Variants in RBFOX1 observed in about 807,000 individuals in gnomAD.
The protein encoded by RBFOX1 is RNA binding fox-1 homolog 1, also known as RNA binding protein fox-1 homolog 1.
RBFOX1 carries 8 observed loss-of-function variants against 57.7 expected under a neutral mutation model. The observed-to-expected ratio is 0.14, with a 90% CI of 0.08 to 0.25. The LOEUF is 0.25. RBFOX1 is among the 10% of genes least tolerant of loss of function. RBFOX1 has a pLI of 1.00. For missense variants in RBFOX1, 611 were observed against 548.5 expected (o/e 1.11, Z -1.14); for synonymous variants, 326 against 222.4 (o/e 1.47, Z -4.15).
intron 4 of RBFOX1, among the ~76,000 whole-genome samples, chr16:5,886,088 T>C (rs1461996394): frequency 1.3e-5 from 2 of 152,214 alleles, no homozygotes; most frequent in African/African-American, 4.8e-5. Context: ...TCCTCCCCTT[T>C]AGCCTTCTGC....
intron 1 of RBFOX1, among the ~76,000 whole-genome samples, chr16:6,245,587 C>T (rs978687112): frequency 6.6e-6 from 1 of 152,182 alleles, no homozygotes; most frequent in Non-Finnish European, 1.5e-5. Context: ...TTGCCCTCTA[C>T]ACACTAATAA....
intron 4 of RBFOX1, among the ~76,000 whole-genome samples, chr16:7,336,916 C>G (rs907694751): frequency 2.0e-5 from 3 of 152,076 alleles, no homozygotes; most frequent in African/African-American, 4.8e-5. Context: ...TGTAAATATT[C>G]ATGTATTTTG....
At chr16:7,265,244 G>C (rs567931722) in intron 4 of RBFOX1, among the ~76,000 whole-genome samples, 1 of 151,942 alleles carries the variant, frequency 6.6e-6, no homozygotes, top group Non-Finnish European at 1.5e-5. Context: ...CTGGATACTG[G>C]AAGTGAGATC....
intron 1 of RBFOX1, among the ~76,000 whole-genome samples, chr16:5,395,331 A>G (rs2066520131): frequency 6.6e-6 from 1 of 152,236 alleles, no homozygotes. Context: ...ATTCTTGCCA[A>G]CTTGGATCGG....
chr16:6,640,457 A>C (rs906643177), intron 2 of RBFOX1, among the ~76,000 whole-genome samples: 2 of 151,990 alleles, frequency 1.3e-5, no homozygotes, highest in Admixed American at 6.6e-5. Context: ...AAAAATGCAG[A>C]AATTAGCCAG....
chr16:6,723,501 A>T (rs956658422), intron 3 of RBFOX1, among the ~76,000 whole-genome samples: 1 of 152,224 alleles, frequency 6.6e-6, no homozygotes, highest in Non-Finnish European at 1.5e-5. Flanking sequence ...AAATAATACA[A>T]TTATAGATTG....
chr16:7,126,050 T>G (rs1245234296), intron 4 of RBFOX1, among the ~76,000 whole-genome samples: 1 of 152,138 alleles, frequency 6.6e-6, no homozygotes, highest in Non-Finnish European at 1.5e-5. Context: ...ACCATTGCAC[T>G]GCAGCATGGG....
chr16:7,255,163 A>T (rs558480656), intron 4 of RBFOX1, among the ~76,000 whole-genome samples: 148 of 152,306 alleles, frequency 9.7e-4, no homozygotes, highest in African/African-American at 3.5e-3. Flanking sequence ...ATAGAAAGAT[A>T]GTTTCTATTT....
intron 14 of RBFOX1, among the ~76,000 whole-genome samples, chr16:7,698,039 G>C (rs2079349653): frequency 6.6e-6 from 1 of 152,128 alleles, no homozygotes; most frequent in Non-Finnish European, 1.5e-5. Context: ...GGAAGAGAGG[G>C]TTAAACAGGC....
chr16:7,365,367 C>A (rs975208661), intron 4 of RBFOX1, among the ~76,000 whole-genome samples: 72 of 152,126 alleles, frequency 4.7e-4, no homozygotes, highest in Non-Finnish European at 5.9e-5. Flanking sequence ...TTTATAGTCT[C>A]AGTCCATCCA....
chr16:6,869,919 C>G (rs1045585838), intron 3 of RBFOX1, among the ~76,000 whole-genome samples: 2 of 152,150 alleles, frequency 1.3e-5, no homozygotes, highest in African/African-American at 2.4e-5. Flanking sequence ...CCATAAATTA[C>G]TTATATCATC....
chr16:7,608,589 G>C (rs1310312086), intron 10 of RBFOX1, among the ~76,000 whole-genome samples: 2 of 152,132 alleles, frequency 1.3e-5, no homozygotes, highest in Admixed American at 6.5e-5. Flanking sequence ...CACCTCTGCT[G>C]AGTAAGGAAC....
chr16:6,022,384 G>C (rs1165059076), intron 1 of RBFOX1, among the ~76,000 whole-genome samples: 1 of 152,036 alleles, frequency 6.6e-6, no homozygotes, highest in Non-Finnish European at 1.5e-5. Context: ...AGTATGTTTA[G>C]ATATAAAATT....
chr16:6,298,492 TAATC>T (rs1254127362), intron 1 of RBFOX1, among the ~76,000 whole-genome samples: 1 of 152,214 alleles, frequency 6.6e-6, no homozygotes, highest in Non-Finnish European at 1.5e-5. Context: ...GTTTTCACAA[TAATC>T]AGAGAGTGAC....
At chr16:7,211,972 C>T (rs1194955616) in intron 4 of RBFOX1, among the ~76,000 whole-genome samples, 4 of 152,168 alleles carry the variant, frequency 2.6e-5, no homozygotes, top group African/African-American at 9.7e-5. Context: ...CTACCCACCC[C>T]TTCTCACTCC....
At chr16:6,644,564 C>G (rs938869586) in intron 2 of RBFOX1, among the ~76,000 whole-genome samples, 2 of 152,200 alleles carry the variant, frequency 1.3e-5, no homozygotes, top group African/African-American at 4.8e-5. Context: ...ATGAAAAGCT[C>G]TCTGGGACTT....
At chr16:5,289,935 G>A (rs1220744078) in intron 1 of RBFOX1, among the ~76,000 whole-genome samples, 1 of 152,234 alleles carries the variant, frequency 6.6e-6, no homozygotes, top group Non-Finnish European at 1.5e-5. Context: ...GCTCATAGCA[G>A]CGTTATTCAT....
intron 3 of RBFOX1, among the ~76,000 whole-genome samples, chr16:6,825,022 C>T (rs188998514): frequency 1.4e-3 from 75 of 53,984 alleles, no homozygotes; most frequent in African/African-American, 3.5e-3. Context: ...TTTGAGACGG[C>T]GTCTGGCTCT....
intron 4 of RBFOX1, among the ~76,000 whole-genome samples, chr16:7,215,796 C>T (rs2091936937): frequency 6.7e-6 from 1 of 149,040 alleles, no homozygotes; most frequent in Non-Finnish European, 1.5e-5. Flanking sequence ...GTGATCTCGG[C>T]TCACTGCAAG....
Sources: allele counts gnomAD v4.1 joint callset (sites outside exome capture counted in the v4.1 genomes callset), GRCh38; gene constraint gnomAD v4.1.1; transcripts MANE v1.5; gene names NCBI Gene and HGNC (gene_info 2026-07-23, HGNC 2026-07-21).